GMDS: variants seen among roughly 807,000 people sequenced by gnomAD.
GMDS encodes the protein GDP-mannose 4,6 dehydratase.
A neutral mutation model predicts 49.9 loss-of-function variants in GMDS; 20 were observed. The observed-to-expected ratio is 0.40, with a 90% confidence interval of 0.28 to 0.58. GMDS has a LOEUF of 0.58. Ranked by LOEUF, GMDS falls within the 20% of genes least tolerant of loss-of-function variation. The pLI is 0.42. For missense variants in GMDS, 362 were observed against 481.4 expected (o/e 0.75, Z 2.32); for synonymous variants, 177 against 178.6 (o/e 0.99, Z 0.07).
At chr6:2,123,595 C>T (rs928088017) in intron 2 of GMDS, among the ~76,000 whole-genome samples, 2 of 152,242 alleles carry the variant, frequency 1.3e-5, no homozygotes, top group African/African-American at 4.8e-5. Flanking sequence ...ATAGGTCTTT[C>T]TCTAAAACCA....
Position 1,624,128 on chromosome 6 carries a change from G to A in GMDS, c.*41C>T. The A allele has an allele frequency of 1.3e-6, 2 of 1,576,386 alleles. No homozygotes were observed. The highest frequency in any genetic ancestry group is 1.7e-5 in the Admixed American group (1 of 59,934). On this transcript the variant is annotated 3_prime_UTR_variant, in exon 11 of 11. Transcript: ENST00000380815. ...GCGCGTCTGCACCGGAGACTCTGCG[G>A]GGATTGTAGCCGGAGGGCGGGCCGG...
At chr6:2,165,441 C>CT (rs1777616772) in intron 1 of GMDS, among the ~76,000 whole-genome samples, 3 of 152,230 alleles carry the variant, frequency 2.0e-5, no homozygotes, top group Non-Finnish European at 4.4e-5. Flanking sequence ...GAAATTCCCT[C>CT]TTACTCATGG....
chr6:2,109,187 AC>A (rs1004641452), intron 4 of GMDS, among the ~76,000 whole-genome samples: 14 of 152,148 alleles, frequency 9.2e-5, no homozygotes, highest in Admixed American at 3.3e-4. Context: ...GCACACTGGG[AC>A]TGAAGTGAAG....
At chr6:1,702,153 T>C (rs1451805812) in intron 9 of GMDS, among the ~76,000 whole-genome samples, 1 of 152,262 alleles carries the variant, frequency 6.6e-6, no homozygotes, top group African/African-American at 2.4e-5. Context: ...CAATGCCTGA[T>C]GCAAGCTCGA....
At chr6:1,818,504 AG>A (rs1770759668) in intron 7 of GMDS, among the ~76,000 whole-genome samples, 1 of 150,580 alleles carries the variant, frequency 6.6e-6, no homozygotes, top group Non-Finnish European at 1.5e-5. Context: ...GCTACTCGGG[AG>A]GCTGAGGCAG....
chr6:1,869,875 T>C (rs1758640754), intron 7 of GMDS, among the ~76,000 whole-genome samples: 1 of 152,246 alleles, frequency 6.6e-6, no homozygotes, highest in Admixed American at 6.5e-5. Flanking sequence ...GACTAATTTC[T>C]TGGCATATTT....
chr6:2,227,395 TTA>T (rs1780864504), intron 1 of GMDS, among the ~76,000 whole-genome samples: 1 of 152,100 alleles, frequency 6.6e-6, no homozygotes, highest in African/African-American at 2.4e-5. Context: ...AGTAATTCTA[TTA>T]CACCACCAAC....
At chr6:1,952,951 G>T (rs570814755) in intron 6 of GMDS, among the ~76,000 whole-genome samples, 1 of 152,156 alleles carries the variant, frequency 6.6e-6, no homozygotes, top group Non-Finnish European at 1.5e-5. Context: ...AACGGCCCAC[G>T]AGGTAGGCTC....
chr6:2,065,380 A>G (rs1166729968), intron 4 of GMDS, among the ~76,000 whole-genome samples: 1 of 152,246 alleles, frequency 6.6e-6, no homozygotes, highest in South Asian at 2.1e-4. Context: ...CCTCCTCCAA[A>G]GGAACACAGT....
At position 1,731,651 on chromosome 6, in the gene GMDS, T is replaced by C. The variant is rs1013065; in HGVS notation, c.891-5139A>G. ...TAGAGATATTTTCAGGTATATTTTG[T>C]CACAAAGTATTTGTTTCCCAGGTAT... is the stretch of plus-strand genomic sequence containing the variant. On this transcript the variant is annotated intron_variant, in intron 8 of 10. Coordinates refer to ENST00000380815, the MANE Select transcript of GMDS (RefSeq NM_001500.4). Among the ~76,000 whole-genome samples, 817 of 152,368 alleles carry C rather than the reference T, an allele frequency of 5.4e-3. 3 individuals carry two copies. Among genetic ancestry groups the C allele is most frequent in the African/African-American group, 0.018 (753 of 41,592 alleles).
chr6:1,996,222 T>A (rs1187842494), intron 4 of GMDS, among the ~76,000 whole-genome samples: 1 of 151,718 alleles, frequency 6.6e-6, no homozygotes, highest in Non-Finnish European at 1.5e-5. Flanking sequence ...TCTCACACAC[T>A]CCCTGCCCCC....
intron 7 of GMDS, among the ~76,000 whole-genome samples, chr6:1,791,066 G>A (rs1343195757): frequency 1.3e-5 from 2 of 152,196 alleles, no homozygotes; most frequent in Admixed American, 1.3e-4. Context: ...GTAGGCACTG[G>A]AGAGAGCCAC....
intron 7 of GMDS, among the ~76,000 whole-genome samples, chr6:1,785,529 G>A (rs893333566): frequency 1.3e-5 from 2 of 152,168 alleles, no homozygotes; most frequent in Non-Finnish European, 1.5e-5. Context: ...TGACCTCCAG[G>A]CCCTTCTACG....
chr6:1,639,779 G>T (rs1383259017), intron 9 of GMDS, among the ~76,000 whole-genome samples: 3 of 152,244 alleles, frequency 2.0e-5, no homozygotes, highest in Non-Finnish European at 4.4e-5. Flanking sequence ...TTGGGAAGCT[G>T]AGGTAGGAGG....
intron 7 of GMDS, among the ~76,000 whole-genome samples, chr6:1,886,194 A>G (rs554332436): frequency 1.1e-4 from 16 of 152,346 alleles, no homozygotes; most frequent in Non-Finnish European, 2.2e-4. Flanking sequence ...ACTTCCATCA[A>G]GTTCAATCTC....
At chr6:1,853,028 T>A (rs935640155) in intron 7 of GMDS, among the ~76,000 whole-genome samples, 1 of 151,764 alleles carries the variant, frequency 6.6e-6, no homozygotes, top group Admixed American at 6.6e-5. Context: ...TCTGCGCACA[T>A]CTTGGAGAAT....
At chr6:2,008,642 T>C (rs1232304431) in intron 4 of GMDS, among the ~76,000 whole-genome samples, 1 of 152,232 alleles carries the variant, frequency 6.6e-6, no homozygotes, top group African/African-American at 2.4e-5. Flanking sequence ...TTAAGGAGCT[T>C]AGCTTGCATG....
At chr6:1,965,819 C>A (rs1764229657) in intron 4 of GMDS, among the ~76,000 whole-genome samples, 1 of 151,774 alleles carries the variant, frequency 6.6e-6, no homozygotes, top group Non-Finnish European at 1.5e-5. Flanking sequence ...GGCAACAGAG[C>A]AAGACTGTCT....
At chr6:1,814,378 C>T (rs1305504507) in intron 7 of GMDS, among the ~76,000 whole-genome samples, 2 of 151,882 alleles carry the variant, frequency 1.3e-5, no homozygotes, top group East Asian at 3.9e-4. Context: ...ACTACTGGAA[C>T]ATTCTGATAA....
Sources: allele counts gnomAD v4.1 joint callset (sites outside exome capture counted in the v4.1 genomes callset), GRCh38; gene constraint gnomAD v4.1.1; transcripts MANE v1.5; gene names NCBI Gene and HGNC (gene_info 2026-07-23, HGNC 2026-07-21).